Variants in USP6 observed in about 807,000 individuals in gnomAD.
USP6 encodes ubiquitin carboxyl-terminal hydrolase 6.
Under a neutral mutation model 175.7 loss-of-function variants are expected in USP6, and 128 were observed. The observed-to-expected ratio is 0.73, with a 90% CI of 0.63 to 0.84. The LOEUF is 0.84. USP6 is among the 40% of genes least tolerant of loss of function. The probability of loss-of-function intolerance (pLI) is 0.00; values close to 1 mark genes in which losing one functional copy is unlikely to be tolerated. For synonymous variants in USP6, 562 were observed against 630.6 expected, an observed-to-expected ratio of 0.89 and a Z score of 1.63; for missense variants, 1,498 against 1,760.3, an observed-to-expected ratio of 0.85 and a Z score of 2.67.
chr17:5,133,650 G>GGGGGT, intron 14 of USP6, 100 bp downstream of exon 14: 6 of 556,532 alleles, frequency 1.1e-5, no homozygotes, highest in Middle Eastern at 5.4e-4. Context: ...GGGGGGGTGG[G>GGGGGT]AGGGGATGGT....
At chr17:5,123,395 T>TGGCGTGGCGC (rs887499421) in intron 4 of USP6, among the ~76,000 whole-genome samples, 1 of 151,504 alleles carries the variant, frequency 6.6e-6, no homozygotes, top group Non-Finnish European at 1.5e-5. Flanking sequence ...CGGCGTGGCG[T>TGGCGTGGCGC]GGCGTGGCGC....
chr17:5,127,027 G>C (rs557996856), intron 6 of USP6: 1 of 152,396 alleles, frequency 6.6e-6, no homozygotes, highest in African/African-American at 2.4e-5. Context: ...GCACCAGGGT[G>C]GGGGGAGGGG....
At position 5,140,228 on chromosome 17, in the gene USP6, A is replaced by G. The variant is rs1270324847; in HGVS notation, c.1498+554A>G. Among the ~76,000 whole-genome samples the G allele has an allele frequency of 5.9e-5, 9 of 152,324 alleles. No homozygotes were observed. The East Asian group carries it at 1.5e-3, about 26-fold the overall frequency. The stretch of plus-strand genomic sequence containing the variant: ...ACTACAGTGTCCTCCTACACCTTCC[A>G]TCCAGCTGCCCCTAATAATGACGTT... On this transcript the variant is annotated intron_variant, in intron 22 of 37. Transcript: ENST00000574788.
intron 31 of USP6, among the ~76,000 whole-genome samples, chr17:5,156,879 G>A (rs771321719): frequency 4.0e-5 from 6 of 151,242 alleles, no homozygotes; most frequent in Admixed American, 4.0e-4. Context: ...ACAGATGCTC[G>A]CAACCACACC....
chr17:5,130,809 A>G (rs2073043730), intron 11 of USP6, 125 bp downstream of exon 11: 1 of 1,313,930 alleles, frequency 7.6e-7, no homozygotes, highest in Non-Finnish European at 1.1e-6. Context: ...CCTCTTTTCC[A>G]GGGTCAGAAC....
chr17:5,161,885 G>T (rs2074011549), intron 32 of USP6, among the ~76,000 whole-genome samples: 2 of 152,086 alleles, frequency 1.3e-5, no homozygotes, highest in African/African-American at 4.8e-5. Context: ...GGTGGTGTGT[G>T]CCTGTAATCC....
chr17:5,128,025 A>G (rs1471940969), intron 7 of USP6, among the ~76,000 whole-genome samples: 5 of 152,334 alleles, frequency 3.3e-5, no homozygotes, highest in Non-Finnish European at 5.9e-5. Context: ...TAATGAGTAC[A>G]GGGGAGCAGG....
chr17:5,153,836 A>G (rs1175938264), intron 30 of USP6, among the ~76,000 whole-genome samples: 1 of 152,026 alleles, frequency 6.6e-6, no homozygotes. Context: ...ATGTATTTTT[A>G]GTAGAGACAG....
At position 5,136,702 on chromosome 17, in the gene USP6, C is replaced by G. The variant is rs747501188; in HGVS notation, c.727C>G (p.Pro243Ala). ...CCAAGACCAACAGGAGCATGTGGTA[C>G]CCAAGTCACAACCCAAGACCATGTG... ...GLQDQQEHVV[P>A]KSQPKTMWHQ... The change falls in exon 18 of 38, where the codon CCC becomes GCC. Residue 243 changes from proline to alanine, a missense_variant. Around this residue, in one of 2 missense-constraint regions of USP6, gnomAD observed 1,217 missense variants for 1,500.8 expected, o/e 0.81. Coordinates refer to ENST00000574788, the MANE Select transcript of USP6 (RefSeq NM_001304284.2). The G allele has an allele frequency of 4.3e-6, 7 of 1,612,126 alleles. No individual in the cohort carries two copies. The African/African-American group carries it at 9.3e-5, about 22-fold the overall frequency.
At chr17:5,143,135 G>C (rs2143969117) in intron 25 of USP6, among the ~76,000 whole-genome samples, 1 of 152,288 alleles carries the variant, frequency 6.6e-6, no homozygotes, top group East Asian at 1.9e-4. Flanking sequence ...GGAGGTGAGG[G>C]GGTCAGCCCC....
intron 30 of USP6, 80 bp from the exon 31 acceptor site, chr17:5,155,342 T>G: frequency 6.7e-7 from 1 of 1,491,156 alleles, no homozygotes; most frequent in Non-Finnish European, 9.2e-7. Flanking sequence ...ATAATGCCTA[T>G]CATTGGCAGA....
At chr17:5,163,101 AC>A in intron 33 of USP6, 97 bp downstream of exon 33, 1 of 1,455,518 alleles carries the variant, frequency 6.9e-7, no homozygotes, top group East Asian at 2.6e-5. Context: ...TTTAAAAACA[AC>A]CAGAAAAACC....
chr17:5,155,393 C>A (rs1354478894), intron 30 of USP6, 29 bp from the exon 31 acceptor site: 1 of 1,608,626 alleles, frequency 6.2e-7, no homozygotes, highest in Non-Finnish European at 8.5e-7. Context: ...CCTGTCTTCT[C>A]AACTCTCTAT....
Position 5,173,246 on chromosome 17 carries a change from AGAATT to A in USP6, c.*275_*279del, listed in dbSNP as rs1302749257. The A allele has an allele frequency of 2.4e-6, 1 of 422,288 alleles. No individual in the cohort carries two copies. The highest frequency in any genetic ancestry group is 4.3e-6 in the Non-Finnish European group (1 of 234,094). 26.2% of individuals were successfully genotyped at this position (422,288 alleles called of 1,614,324 possible). A position where few individuals can be genotyped will look rare whatever the true frequency, so the allele number is the denominator to read the frequency against. ...GGCACCAGCCACCTGGGACCAAATA[AGAATT>A]GAATTGTGCTTGTCCAGATATGAAC... is the stretch of plus-strand genomic sequence containing the variant. On this transcript the variant is annotated 3_prime_UTR_variant, in exon 38 of 38. Transcript: ENST00000574788.
chr17:5,141,837 A>G (rs1485891578), intron 23 of USP6, among the ~76,000 whole-genome samples, 166 bp from the exon 24 acceptor site: 2 of 152,234 alleles, frequency 1.3e-5, no homozygotes, highest in African/African-American at 4.8e-5. Context: ...TGCCAGACAT[A>G]CCATGAAAAG....
chr17:5,160,792 G>A (rs2073990222), intron 31 of USP6, among the ~76,000 whole-genome samples: 1 of 152,192 alleles, frequency 6.6e-6, no homozygotes, highest in Non-Finnish European at 1.5e-5. Context: ...AGATCCCTGA[G>A]GAATCGCCAC....
intron 21 of USP6, among the ~76,000 whole-genome samples, chr17:5,138,575 T>C (rs538383736): frequency 2.6e-5 from 4 of 151,918 alleles, no homozygotes; most frequent in African/African-American, 9.7e-5. Flanking sequence ...AGTTACTAGA[T>C]GAGCCAGACC....
intron 37 of USP6, among the ~76,000 whole-genome samples, chr17:5,171,924 G>T (rs2074226862): frequency 6.6e-6 from 1 of 152,200 alleles, no homozygotes. Flanking sequence ...CCAGCACTTT[G>T]GGAGGCTGAG....
At chr17:5,169,609 T>A (rs2074170154) in intron 35 of USP6, among the ~76,000 whole-genome samples, 2 of 152,068 alleles carry the variant, frequency 1.3e-5, no homozygotes, top group South Asian at 4.1e-4. Flanking sequence ...ACCTGGCTAA[T>A]TTTTGTATTT....
Sources: gnomAD v4.1 joint callset for allele counts (sites outside exome capture counted in the v4.1 genomes callset) on GRCh38, gnomAD v4.1.1 for gene constraint, gnomAD v4.1.1 regional missense constraint, MANE v1.5 for transcripts, NCBI Gene and HGNC (gene_info 2026-07-23, HGNC 2026-07-21) for gene names.